Variants in WDFY1 observed in about 807,000 individuals in gnomAD.
WDFY1 encodes the protein WD repeat and FYVE domain containing 1, also known as WD repeat and FYVE domain-containing protein 1.
WDFY1 carries 32 observed loss-of-function variants against 56.4 expected under a neutral mutation model. That is an observed-to-expected ratio of 0.57 (90% confidence interval 0.43 to 0.76). The LOEUF is 0.76. Among genes scored for constraint, WDFY1 ranks in the 30% least tolerant of loss-of-function variants. The pLI, the probability that WDFY1 is intolerant of heterozygous loss-of-function variation, is 0.00. For missense variants in WDFY1, 480 were observed against 545.7 expected, an observed-to-expected ratio of 0.88 and a Z score of 1.20; for synonymous variants, 192 against 197.3, an observed-to-expected ratio of 0.97 and a Z score of 0.23.
intron 1 of WDFY1, among the ~76,000 whole-genome samples, chr2:223,939,321 C>T (rs2164811): frequency 1 from 152,289 of 152,300 alleles, 76,139 homozygotes; most frequent in Non-Finnish European, 1. Flanking sequence ...ACATGAAGCC[C>T]GGACTGGGGT....
chr2:223,929,197 T>TTTTTG (rs1282505520), intron 1 of WDFY1, among the ~76,000 whole-genome samples: 7 of 139,906 alleles, frequency 5.0e-5, no homozygotes, highest in East Asian at 2.1e-4. Flanking sequence ...TTGTTTTTTT[T>TTTTTG]TTTTTTTGAG....
At chr2:223,926,651 C>CGT (rs60751966) in intron 1 of WDFY1, among the ~76,000 whole-genome samples, 92 of 148,516 alleles carry the variant, frequency 6.2e-4, no homozygotes, top group African/African-American at 1.6e-3. Flanking sequence ...CAAATATGTG[C>CGT]GTGTGTGTGT....
chr2:223,926,615 ATATG>A (rs974133647), intron 1 of WDFY1, among the ~76,000 whole-genome samples: 69 of 151,758 alleles, frequency 4.5e-4, no homozygotes, highest in African/African-American at 1.6e-3. Flanking sequence ...ATTTACATAT[ATATG>A]TGTGTGTATT....
At position 223,875,509 on chromosome 2, in the gene WDFY1, A is replaced by G. The variant is rs969515929; in HGVS notation, c.*3162T>C. The G allele has an allele frequency of 5.3e-5, 8 of 152,220 alleles. No individual in the cohort carries two copies. Among genetic ancestry groups the G allele is most frequent in the African/African-American group, 1.9e-4 (8 of 41,464 alleles). The allele number at this position is 152,220 out of a possible 1,614,324, so 9.4% of individuals were successfully genotyped here. On this transcript the variant is annotated 3_prime_UTR_variant, in exon 12 of 12. Transcript: ENST00000233055. The stretch of plus-strand genomic sequence containing the variant: ...AGCTAGTACAAGAACAAAGTGTACT[A>G]ATTAACATTACCCCTTGCTTCCCCA...
intron 5 of WDFY1, 139 bp from the exon 6 acceptor site, chr2:223,899,209 A>G (rs900053661): frequency 2.6e-5 from 16 of 609,198 alleles, no homozygotes; most frequent in South Asian, 4.5e-5. Flanking sequence ...ACGTAAAACT[A>G]TAACAAGAAA....
chr2:223,930,766 C>T (rs1020094915), intron 1 of WDFY1, among the ~76,000 whole-genome samples: 2 of 152,192 alleles, frequency 1.3e-5, no homozygotes, highest in Non-Finnish European at 2.9e-5. Flanking sequence ...CAGGGGCCAG[C>T]CTACCAGAGG....
chr2:223,932,266 G>T lies in WDFY1; in HGVS notation c.137+12882C>A, dbSNP rs184347992. ...GCCTCCCGAGCAGCTGGGACTACAG[G>T]TGCCTGCCACCACGCCTGGCTAATT... On this transcript the variant is annotated intron_variant, in intron 1 of 11. Coordinates refer to ENST00000233055, the MANE Select transcript of WDFY1 (RefSeq NM_020830.5). 8.4e-3 allele frequency among the ~76,000 whole-genome samples: 1,273 copies of T among 151,980 alleles called. 20 individuals carry two copies. The highest frequency in any genetic ancestry group is 0.029 in the African/African-American group (1,190 of 41,444).
At chr2:223,898,876 A>G in intron 6 of WDFY1, 82 bp downstream of exon 6, 1 of 1,024,900 alleles carries the variant, frequency 9.8e-7, no homozygotes, top group Non-Finnish European at 1.5e-6. Context: ...GGAACACAGC[A>G]TTCATGAATC....
chr2:223,932,868 G>GAA (rs71727456), intron 1 of WDFY1, among the ~76,000 whole-genome samples: 47,214 of 145,326 alleles, frequency 0.32, 8,609 homozygotes, highest in Non-Finnish European at 0.42. Context: ...GGGGATACAG[G>GAA]AAAAAAAAAA....
At chr2:223,923,922 A>C (rs1164200404) in intron 1 of WDFY1, among the ~76,000 whole-genome samples, 1 of 152,194 alleles carries the variant, frequency 6.6e-6, no homozygotes, top group African/African-American at 2.4e-5. Context: ...ATATTTTGAC[A>C]ATTTTACACC....
intron 5 of WDFY1, 27 bp from the exon 6 acceptor site, chr2:223,899,097 A>G (rs770467623): frequency 6.3e-7 from 1 of 1,587,766 alleles, no homozygotes; most frequent in Non-Finnish European, 8.7e-7. Context: ...AAGGATGTAG[A>G]ACAGAAATCA....
At chr2:223,929,720 G>A (rs1694044174) in intron 1 of WDFY1, among the ~76,000 whole-genome samples, 1 of 152,178 alleles carries the variant, frequency 6.6e-6, no homozygotes, top group Non-Finnish European at 1.5e-5. Context: ...CTGATGGCAG[G>A]GATGACAGGC....
At chr2:223,894,997 C>T (rs192424515) in intron 7 of WDFY1, among the ~76,000 whole-genome samples, 2 of 152,188 alleles carry the variant, frequency 1.3e-5, no homozygotes, top group Non-Finnish European at 2.9e-5. Context: ...GGCTACAGGG[C>T]AAGATCCTAA....
chr2:223,918,751 C>T (rs768385760), intron 1 of WDFY1, among the ~76,000 whole-genome samples: 30 of 152,076 alleles, frequency 2.0e-4, no homozygotes, highest in Non-Finnish European at 2.9e-4. Context: ...CCGTCTGGGC[C>T]GAGAGGAAGG....
At chr2:223,887,088 A>T (rs1693185616) in intron 8 of WDFY1, among the ~76,000 whole-genome samples, 1 of 152,218 alleles carries the variant, frequency 6.6e-6, no homozygotes, top group African/African-American at 2.4e-5. Context: ...AAAGAAGAAT[A>T]AAGAGATGTG....
intron 1 of WDFY1, among the ~76,000 whole-genome samples, chr2:223,933,345 G>T (rs1364520726): frequency 2.3e-5 from 1 of 44,292 alleles, no homozygotes; most frequent in Non-Finnish European, 6.6e-5. Context: ...AAAACCTGCA[G>T]ATTTTTTTTT....
intron 3 of WDFY1, 63 bp downstream of exon 3, chr2:223,912,190 G>T: frequency 1.3e-6 from 2 of 1,484,250 alleles, no homozygotes; most frequent in Admixed American, 2.1e-5. Context: ...TATGGGACAT[G>T]GGAGGTCAAT....
intron 1 of WDFY1, among the ~76,000 whole-genome samples, chr2:223,918,726 G>A (rs552389752): frequency 6.6e-6 from 1 of 151,804 alleles, no homozygotes; most frequent in Non-Finnish European, 1.5e-5. Flanking sequence ...CAAATTATGT[G>A]CACTTGGTGG....
At chr2:223,893,865 T>G (rs1693318230) in intron 8 of WDFY1, among the ~76,000 whole-genome samples, 1 of 152,204 alleles carries the variant, frequency 6.6e-6, no homozygotes, top group Non-Finnish European at 1.5e-5. Flanking sequence ...CTGATGCATC[T>G]CTCAGGGTTT....
Sources: gnomAD v4.1 joint callset for allele counts (sites outside exome capture counted in the v4.1 genomes callset) on GRCh38, gnomAD v4.1.1 for gene constraint, MANE v1.5 for transcripts, NCBI Gene and HGNC (gene_info 2026-07-23, HGNC 2026-07-21) for gene names.